The following CNTN1 variants were observed in gnomAD, a reference collection of about 807,000 sequenced individuals.
CNTN1 encodes the protein contactin-1.
CNTN1 carries 38 observed loss-of-function variants against 126.4 expected under a neutral mutation model. The observed-to-expected ratio is 0.30, with a 90% CI of 0.23 to 0.39. The LOEUF is 0.39. Among genes scored for constraint, CNTN1 ranks in the 10% least tolerant of loss-of-function variants. The pLI is 1.00. For synonymous variants in CNTN1, 413 were observed against 422.6 expected (o/e 0.98, Z 0.28); for missense variants, 1,009 against 1,248.4 (o/e 0.81, Z 2.89).
chr12:40,844,181 C>T (rs1366210905), intron 1 of CNTN1, among the ~76,000 whole-genome samples: 1 of 150,862 alleles, frequency 6.6e-6, no homozygotes, highest in Non-Finnish European at 1.5e-5. Context: ...GATTCTTCTG[C>T]CTCAGGCTCC....
At chr12:40,932,420 T>C (rs993783729) in intron 7 of CNTN1, among the ~76,000 whole-genome samples, 1 of 152,028 alleles carries the variant, frequency 6.6e-6, no homozygotes, top group Non-Finnish European at 1.5e-5. Flanking sequence ...TGCAGAACTG[T>C]GAGTCAATTA....
rs2897101 is a variant in CNTN1 at position 40,924,818 on chromosome 12, T to C, written c.496+166T>C. Among the ~76,000 whole-genome samples the C allele has an allele frequency of 0.37, 54,086 of 146,584 alleles. 10,144 individuals are homozygous for C. Among genetic ancestry groups the C allele is most frequent in the Middle Eastern group, 0.41 (116 of 280 alleles). ...TGTGTCACTAATTGTTGTGGACACTTTCTTTCTTGGCTCAGTCACCTGGCT... is the reference window on the plus strand; with the variant it reads ...TGTGTCACTAATTGTTGTGGACACTCTCTTTCTTGGCTCAGTCACCTGGCT... On this transcript the variant is annotated intron_variant, in intron 6 of 23. Coordinates refer to ENST00000551295, the MANE Select transcript of CNTN1 (RefSeq NM_001843.4).
chr12:41,058,578 A>G (rs556688039), intron 23 of CNTN1, among the ~76,000 whole-genome samples: 36 of 152,270 alleles, frequency 2.4e-4, no homozygotes, highest in African/African-American at 8.7e-4. Context: ...AAGTGATGAA[A>G]GTTAATCTTT....
At chr12:40,920,431 A>G (rs1945395112) in intron 4 of CNTN1, among the ~76,000 whole-genome samples, 3 of 152,006 alleles carry the variant, frequency 2.0e-5, no homozygotes, top group Non-Finnish European at 2.9e-5. Flanking sequence ...TCCATACACT[A>G]ATAGACAGAA....
intron 1 of CNTN1, among the ~76,000 whole-genome samples, chr12:40,788,447 A>T (rs1469536941): frequency 6.6e-6 from 1 of 151,908 alleles, no homozygotes; most frequent in Non-Finnish European, 1.5e-5. Context: ...GAGCCTCTAA[A>T]CCACAGTTCT....
chr12:40,841,016 T>G (rs80100610), intron 1 of CNTN1, among the ~76,000 whole-genome samples: 15,006 of 151,514 alleles, frequency 0.099, 873 homozygotes, highest in Non-Finnish European at 0.13. Context: ...AAACAAAAAG[T>G]TGGTTATTCA....
chr12:41,002,792 C>T (rs1083147), intron 17 of CNTN1, among the ~76,000 whole-genome samples: 4 of 152,060 alleles, frequency 2.6e-5, no homozygotes, highest in African/African-American at 4.8e-5. Context: ...CTCCTGACCT[C>T]GTGATCCGCC....
intron 1 of CNTN1, among the ~76,000 whole-genome samples, chr12:40,796,537 C>T (rs1940438272): frequency 6.6e-6 from 1 of 152,046 alleles, no homozygotes; most frequent in Non-Finnish European, 1.5e-5. Flanking sequence ...AAGTACTGTA[C>T]TAGAACAACA....
At chr12:40,943,939 G>T in intron 13 of CNTN1, 56 bp from the exon 14 acceptor site, 2 of 1,511,514 alleles carry the variant, frequency 1.3e-6, no homozygotes, top group Non-Finnish European at 1.8e-6. Flanking sequence ...TAATATACCA[G>T]ATAATATTGT....
At chr12:40,886,294 G>C (rs150793847) in intron 1 of CNTN1, among the ~76,000 whole-genome samples, 2 of 152,060 alleles carry the variant, frequency 1.3e-5, no homozygotes, top group Non-Finnish European at 2.9e-5. Context: ...GATGGGCCCT[G>C]TCTTCACAGT....
At chr12:41,041,420 C>G (rs1363888499) in intron 23 of CNTN1, among the ~76,000 whole-genome samples, 1 of 152,064 alleles carries the variant, frequency 6.6e-6, no homozygotes, top group Non-Finnish European at 1.5e-5. Context: ...CAGGATGATG[C>G]CGGCCTCATA....
chr12:40,711,675 T>TCTCCTC (rs139158273), intron 1 of CNTN1, among the ~76,000 whole-genome samples: 3 of 151,838 alleles, frequency 2.0e-5, no homozygotes, highest in Non-Finnish European at 1.5e-5. Context: ...CTTTGTTTCT[T>TCTCCTC]CTCCTCCTCC....
chr12:40,967,162 A>G (rs577684331), intron 15 of CNTN1, among the ~76,000 whole-genome samples: 4 of 151,266 alleles, frequency 2.6e-5, no homozygotes, highest in Admixed American at 6.6e-5. Context: ...GCGAGACTCC[A>G]TCTCATCTCA....
intron 1 of CNTN1, among the ~76,000 whole-genome samples, chr12:40,849,268 G>T (rs926931056): frequency 6.6e-6 from 1 of 152,104 alleles, no homozygotes; most frequent in Non-Finnish European, 1.5e-5. Flanking sequence ...TAAAGACCAA[G>T]AAGGTAAATT....
At chr12:40,939,914 T>C (rs1946206509) in intron 12 of CNTN1, among the ~76,000 whole-genome samples, 1 of 152,158 alleles carries the variant, frequency 6.6e-6, no homozygotes, top group African/African-American at 2.4e-5. Context: ...AAAAAGGTGA[T>C]TTCAAAGTGC....
intron 3 of CNTN1, among the ~76,000 whole-genome samples, chr12:40,915,210 A>G (rs1945187503): frequency 1.3e-5 from 2 of 152,152 alleles, no homozygotes; most frequent in African/African-American, 4.8e-5. Flanking sequence ...ACATAGAAAT[A>G]TGTTCATGTG....
intron 4 of CNTN1, among the ~76,000 whole-genome samples, chr12:40,920,385 A>T (rs1001747504): frequency 2.6e-5 from 4 of 152,002 alleles, no homozygotes; most frequent in African/African-American, 9.7e-5. Flanking sequence ...GGTTGCACCC[A>T]GCACTGAAAT....
intron 1 of CNTN1, among the ~76,000 whole-genome samples, chr12:40,760,835 G>GCACACACACACACA (rs1165228762): frequency 1.7e-4 from 25 of 150,448 alleles, no homozygotes; most frequent in African/African-American, 5.6e-4. Flanking sequence ...TCAAAATAAT[G>GCACACACACACACA]CACACACACA....
At chr12:40,980,824 T>A in intron 15 of CNTN1, 85 bp from the exon 16 acceptor site, 1 of 1,238,382 alleles carries the variant, frequency 8.1e-7, no homozygotes, top group Non-Finnish European at 1.2e-6. Context: ...TTTAGATTAA[T>A]GGTTAGAAGA....
Sources: gnomAD v4.1 joint callset for allele counts (sites outside exome capture counted in the v4.1 genomes callset) on GRCh38, gnomAD v4.1.1 for gene constraint, MANE v1.5 for transcripts, NCBI Gene and HGNC (gene_info 2026-07-23, HGNC 2026-07-21) for gene names.